The following USP34 variants were observed in gnomAD, a reference collection of about 807,000 sequenced individuals.
USP34 encodes ubiquitin specific peptidase 34.
In USP34, 70 loss-of-function variants were observed where a neutral mutation model predicts 460.3. The observed-to-expected ratio is 0.15, with a 90% CI of 0.13 to 0.19. USP34 has a LOEUF of 0.19. Ranked by LOEUF, USP34 falls within the 10% of genes least tolerant of loss-of-function variation. USP34 has a pLI of 1.00. For synonymous variants in USP34, 1,647 were observed against 1,405.3 expected, an observed-to-expected ratio of 1.17 and a Z score of -3.85; for missense variants, 3,985 against 4,236.2, an observed-to-expected ratio of 0.94 and a Z score of 1.65.
chr2:61,368,397 A>G (rs1572974132), intron 10 of USP34, among the ~76,000 whole-genome samples: 1 of 151,856 alleles, frequency 6.6e-6, no homozygotes, highest in East Asian at 1.9e-4. Context: ...ACGCCACTGC[A>G]CTCCAGCCTG....
At chr2:61,317,844 T>C (rs1291873949) in intron 22 of USP34, 77 bp from the exon 23 acceptor site, 2 of 1,028,996 alleles carry the variant, frequency 1.9e-6, no homozygotes, top group Non-Finnish European at 1.4e-6. Context: ...AAATAAACTT[T>C]ACTGAAAACA....
chr2:61,293,327 T>G, intron 33 of USP34, 137 bp downstream of exon 33: 1 of 520,208 alleles, frequency 1.9e-6, no homozygotes, highest in Non-Finnish European at 3.3e-6. Flanking sequence ...TCAAACTGTA[T>G]TTTTAAATTC....
intron 3 of USP34, among the ~76,000 whole-genome samples, chr2:61,396,283 T>C (rs963578432): frequency 1.3e-5 from 2 of 152,200 alleles, no homozygotes; most frequent in Non-Finnish European, 2.9e-5. Flanking sequence ...TAAGTTCGTA[T>C]GAACTTTTTG....
intron 27 of USP34, among the ~76,000 whole-genome samples, chr2:61,311,279 T>C (rs1226030770): frequency 1.3e-5 from 2 of 152,142 alleles, no homozygotes; most frequent in Non-Finnish European, 2.9e-5. Context: ...GGAGGCAGCA[T>C]TCAAGGTGCC....
intron 16 of USP34, among the ~76,000 whole-genome samples, chr2:61,340,858 C>CTT (rs5831606): frequency 1.2e-4 from 15 of 124,782 alleles, no homozygotes; most frequent in African/African-American, 1.8e-4. Context: ...TGTGGCTTGT[C>CTT]TTTTTTTTTT....
intron 3 of USP34, among the ~76,000 whole-genome samples, chr2:61,401,574 A>G (rs1693721534): frequency 9.5e-6 from 1 of 105,360 alleles, no homozygotes; most frequent in Non-Finnish European, 1.8e-5. Flanking sequence ...TTTGAGACAG[A>G]GTCTCACTCT....
At position 61,281,249 on chromosome 2, in the gene USP34, G is replaced by A. The variant is rs1479304838; in HGVS notation, c.4999-7C>T. On this transcript the variant is annotated splice_region_variant and splice_polypyrimidine_tract_variant and intron_variant, in intron 37 of 79. Coordinates refer to ENST00000398571, the MANE Select transcript of USP34 (RefSeq NM_014709.4). Reference sequence around the variant, plus strand: ...ATTCATGACGAACTGCAGTCTAGATGAAAAAGAAAGTTCCACAAACAGTGA... The same window carrying A: ...ATTCATGACGAACTGCAGTCTAGATAAAAAAGAAAGTTCCACAAACAGTGA... 6.2e-7 allele frequency: 1 copy of A among 1,604,048 alleles called. No individual in the cohort carries two copies. The highest frequency in any genetic ancestry group is 8.5e-7 in the Non-Finnish European group (1 of 1,176,342).
intron 2 of USP34, chr2:61,416,937 G>T: frequency 8.3e-7 from 1 of 1,198,310 alleles, no homozygotes. Context: ...CGACATACTT[G>T]ACCCCACAGC....
At chr2:61,417,453 A>G (rs928788260) in intron 2 of USP34, 10 of 344,346 alleles carry the variant, frequency 2.9e-5, no homozygotes, top group Non-Finnish European at 4.5e-5. Context: ...GATGACACAG[A>G]TAATACTTGA....
intron 34 of USP34, among the ~76,000 whole-genome samples, chr2:61,288,330 T>C (rs1414227885): frequency 6.6e-6 from 1 of 152,208 alleles, no homozygotes; most frequent in African/African-American, 2.4e-5. Flanking sequence ...TAAAGCCTTG[T>C]AACACATACG....
chr2:61,385,436 C>T lies in USP34; in HGVS notation c.754-2100G>A, dbSNP rs1456976224. Among the ~76,000 whole-genome samples, 3 of 151,972 alleles carry T rather than the reference C, an allele frequency of 2.0e-5. No homozygotes were observed. In the East Asian group the frequency reaches 5.8e-4, roughly 29 times the overall value. On this transcript the variant is annotated intron_variant, in intron 5 of 79. Transcript: ENST00000398571. The stretch of plus-strand genomic sequence containing the variant: ...GTGGCTCACATCTCACTTTGGGAGG[C>T]CGAGGCGGGCGGATCACGAGGTCAG...
Position 61,278,275 on chromosome 2 carries a change from G to C in USP34, c.5323C>G (p.Leu1775Val). The part of the protein sequence containing the change: ...LADCIRSREI[L>V]DHQDGNVEDD... ...TCTACATTACCATCCTGATGATCAA[G>C]GATCTCCCTACTACAAAAAAGAAAA... The change falls in exon 41 of 80, where the codon CTT becomes GTT. Residue 1775 changes from leucine to valine, a missense_variant. Leu to Val is a conservative substitution (Grantham distance 32). Coordinates refer to ENST00000398571, the MANE Select transcript of USP34 (RefSeq NM_014709.4). The C allele has an allele frequency of 1.2e-6, 2 of 1,613,306 alleles. No homozygotes were observed. The highest frequency in any genetic ancestry group is 1.7e-5 in the Admixed American group (1 of 59,924).
intron 75 of USP34, among the ~76,000 whole-genome samples, chr2:61,195,765 T>C (rs1686782620): frequency 6.6e-6 from 1 of 152,136 alleles, no homozygotes. Context: ...GTCCCCTCTT[T>C]GCAAAAAGAG....
intron 1 of USP34, among the ~76,000 whole-genome samples, chr2:61,424,835 C>G (rs115654607): frequency 0.026 from 3,889 of 152,102 alleles, 175 homozygotes; most frequent in African/African-American, 0.089. Context: ...ATGGAAGCCA[C>G]TGAATTTTTT....
At chr2:61,228,535 C>G (rs180941347) in intron 61 of USP34, 110 bp downstream of exon 61, 1 of 853,016 alleles carries the variant, frequency 1.2e-6, no homozygotes, top group African/African-American at 1.7e-5. Flanking sequence ...TTATCTAACA[C>G]CAGGTTCCAG....
intron 41 of USP34, among the ~76,000 whole-genome samples, chr2:61,276,498 C>G (rs543178960): frequency 1.3e-5 from 2 of 152,152 alleles, no homozygotes; most frequent in African/African-American, 4.8e-5. Flanking sequence ...TGCGTATTTA[C>G]TGTATCCATG....
intron 1 of USP34, among the ~76,000 whole-genome samples, chr2:61,470,384 G>A (rs1482813344): frequency 2.0e-5 from 3 of 151,900 alleles, no homozygotes; most frequent in South Asian, 2.1e-4. Context: ...CTGTAATGAG[G>A]AAACTTTCCG....
At chr2:61,369,213 G>T (rs1409037382) in intron 10 of USP34, among the ~76,000 whole-genome samples, 2 of 152,200 alleles carry the variant, frequency 1.3e-5, no homozygotes, top group Non-Finnish European at 2.9e-5. Flanking sequence ...TCTACCACAA[G>T]TAAACCACAC....
chr2:61,348,707 G>A (rs749050007), intron 14 of USP34, 49 bp downstream of exon 14: 23 of 1,579,292 alleles, frequency 1.5e-5, no homozygotes, highest in South Asian at 3.5e-5. Context: ...TGATAAACAC[G>A]CCAGAAAGCC....
Sources: allele counts gnomAD v4.1 joint callset (sites outside exome capture counted in the v4.1 genomes callset), GRCh38; gene constraint gnomAD v4.1.1; transcripts MANE v1.5; gene names NCBI Gene and HGNC (gene_info 2026-07-23, HGNC 2026-07-21).